Variants in ZFHX3 observed in about 807,000 individuals in gnomAD.
ZFHX3 encodes the protein zinc finger homeobox 3.
ZFHX3 carries 42 observed loss-of-function variants against 279.1 expected under a neutral mutation model. The observed-to-expected ratio is 0.15, with a 90% CI of 0.12 to 0.19. The LOEUF (loss-of-function observed/expected upper bound fraction) is 0.19. Among genes scored for constraint, ZFHX3 ranks in the 10% least tolerant of loss-of-function variants. The probability of loss-of-function intolerance (pLI) is 1.00; values close to 1 mark genes in which losing one functional copy is unlikely to be tolerated. For missense variants in ZFHX3, 4,981 were observed against 4,754.0 expected, an observed-to-expected ratio of 1.05 and a Z score of -1.40; for synonymous variants, 2,293 against 1,957.8, an observed-to-expected ratio of 1.17 and a Z score of -4.52.
chr16:72,917,437 G>A (rs190880216), intron 3 of ZFHX3, among the ~76,000 whole-genome samples: 3 of 152,280 alleles, frequency 2.0e-5, no homozygotes, highest in Non-Finnish European at 4.4e-5. Context: ...ATTTTAATTT[G>A]TTTATATTAT....
At chr16:73,104,514 G>A (rs1243117932) in intron 7 of ZFHX3, among the ~76,000 whole-genome samples, 1 of 152,192 alleles carries the variant, frequency 6.6e-6, no homozygotes, top group Non-Finnish European at 1.5e-5. Flanking sequence ...ACAGGCATGA[G>A]CCACCATGCC....
chr16:73,085,277 T>G (rs1351070185), intron 8 of ZFHX3, among the ~76,000 whole-genome samples: 1 of 152,186 alleles, frequency 6.6e-6, no homozygotes, highest in African/African-American at 2.4e-5. Flanking sequence ...TATTGTTTTT[T>G]TGAGATGGAG....
intron 1 of ZFHX3, among the ~76,000 whole-genome samples, chr16:73,782,899 G>A (rs1268481765): frequency 6.6e-6 from 1 of 152,154 alleles, no homozygotes; most frequent in Non-Finnish European, 1.5e-5. Context: ...TGCAAATTGG[G>A]AGTTAATTTG....
intron 1 of ZFHX3, among the ~76,000 whole-genome samples, chr16:73,797,321 A>G (rs763812551): frequency 1.3e-5 from 2 of 152,206 alleles, no homozygotes; most frequent in Non-Finnish European, 2.9e-5. Flanking sequence ...AATTACTCTG[A>G]GTTTTAAAGA....
intron 5 of ZFHX3, among the ~76,000 whole-genome samples, chr16:73,235,478 C>T (rs781728313): frequency 3.9e-5 from 6 of 152,102 alleles, no homozygotes; most frequent in Admixed American, 6.5e-5. Context: ...GGTCATAACT[C>T]GGAAATCTCC....
chr16:73,192,251 C>T (rs980540435), intron 5 of ZFHX3, among the ~76,000 whole-genome samples: 2 of 152,102 alleles, frequency 1.3e-5, no homozygotes, highest in East Asian at 1.9e-4. Flanking sequence ...TGCCCCTCTG[C>T]GTCTGTTCAG....
intron 1 of ZFHX3, among the ~76,000 whole-genome samples, chr16:73,046,888 T>C (rs1350529830): frequency 4.1e-5 from 5 of 121,868 alleles, no homozygotes; most frequent in Admixed American, 9.7e-5. Flanking sequence ...GACTGTTAAA[T>C]GACACAGAGG....
At chr16:73,024,106 C>T (rs752562568) in intron 1 of ZFHX3, among the ~76,000 whole-genome samples, 3 of 152,284 alleles carry the variant, frequency 2.0e-5, no homozygotes, top group Non-Finnish European at 2.9e-5. Context: ...TAGTCTGCAT[C>T]GAATCAAGGT....
chr16:73,526,755 G>A (rs1172229625), intron 2 of ZFHX3, among the ~76,000 whole-genome samples: 4 of 152,090 alleles, frequency 2.6e-5, no homozygotes, highest in African/African-American at 9.7e-5. Flanking sequence ...TAATAATCTA[G>A]CAATTGCTCT....
intron 4 of ZFHX3, among the ~76,000 whole-genome samples, chr16:73,289,754 G>C (rs536312834): frequency 1.8e-4 from 28 of 152,196 alleles, no homozygotes; most frequent in African/African-American, 6.3e-4. Context: ...ATTCTGGTGA[G>C]CCCCCAGGGG....
intron 1 of ZFHX3, among the ~76,000 whole-genome samples, chr16:73,808,318 T>C (rs1450798803): frequency 2.0e-5 from 3 of 152,258 alleles, no homozygotes; most frequent in Non-Finnish European, 4.4e-5. Flanking sequence ...GAGAAAGTGA[T>C]AGTAGTTGAA....
chr16:73,432,362 A>G (rs537625475), intron 3 of ZFHX3, among the ~76,000 whole-genome samples: 222 of 152,318 alleles, frequency 1.5e-3, no homozygotes, highest in African/African-American at 5.1e-3. Context: ...TCCATTTGAT[A>G]GACTGGATAT....
rs116151493 is a variant in ZFHX3 at position 73,469,114 on chromosome 16, G to C, written c.-1546-12856C>G. Among the ~76,000 whole-genome samples, 970 of 152,298 alleles carry C rather than the reference G, an allele frequency of 6.4e-3. 11 individuals carry two copies. The highest frequency in any genetic ancestry group is 0.021 in the African/African-American group (892 of 41,552). Reference sequence around the variant, plus strand: ...AAAATGCAGGAGGATGCAGAGTGGGGCTCCCCAGTCTTTCCCACCACCCAG... The same window carrying C: ...AAAATGCAGGAGGATGCAGAGTGGGCCTCCCCAGTCTTTCCCACCACCCAG... On this transcript the variant is annotated intron_variant, in intron 2 of 17. Transcript: ENST00000641206.
chr16:72,890,068 G>A, intron 3 of ZFHX3, 106 bp from the exon 4 acceptor site: 1 of 987,202 alleles, frequency 1.0e-6, no homozygotes, highest in South Asian at 1.6e-5. Flanking sequence ...GCCTCCAGGG[G>A]ACACATCTCC....
intron 1 of ZFHX3, among the ~76,000 whole-genome samples, chr16:73,838,075 T>G (rs1267836987): frequency 6.6e-6 from 1 of 152,240 alleles, no homozygotes; most frequent in African/African-American, 2.4e-5. Context: ...TGTCTCCATT[T>G]CAACATGACC....
chr16:73,097,039 T>C (rs1966172577), intron 7 of ZFHX3, among the ~76,000 whole-genome samples: 1 of 151,936 alleles, frequency 6.6e-6, no homozygotes, highest in South Asian at 2.1e-4. Context: ...TTTCTCTGTC[T>C]CTCTCCCCCT....
At chr16:73,228,744 T>A (rs185932354) in intron 5 of ZFHX3, among the ~76,000 whole-genome samples, 42 of 152,304 alleles carry the variant, frequency 2.8e-4, no homozygotes, top group Non-Finnish European at 5.9e-5. Context: ...CTGTAGATCA[T>A]GGAGAAGTCA....
At chr16:72,947,634 C>T (rs139983831) in intron 3 of ZFHX3, among the ~76,000 whole-genome samples, 1 of 152,042 alleles carries the variant, frequency 6.6e-6, no homozygotes, top group Non-Finnish European at 1.5e-5. Context: ...TGCCACTTCA[C>T]TAGGTGCCGC....
chr16:73,088,334 G>T (rs1044268905), intron 8 of ZFHX3, among the ~76,000 whole-genome samples: 1 of 151,536 alleles, frequency 6.6e-6, no homozygotes, highest in African/African-American at 2.4e-5. Context: ...TGTATTTTTC[G>T]TAGAGATGGG....
Sources: gnomAD v4.1 joint callset for allele counts (sites outside exome capture counted in the v4.1 genomes callset) on GRCh38, gnomAD v4.1.1 for gene constraint, MANE v1.5 for transcripts, NCBI Gene and HGNC (gene_info 2026-07-23, HGNC 2026-07-21) for gene names.